SHISA6: variants seen among roughly 807,000 people sequenced by gnomAD.
The protein encoded by SHISA6 is protein shisa-6.
Under a neutral mutation model 47.9 loss-of-function variants are expected in SHISA6, and 22 were observed. The ratio of observed to expected loss-of-function variants is 0.46; its 90% CI spans 0.33 to 0.66. SHISA6 has a LOEUF of 0.66. Among genes scored for constraint, SHISA6 ranks in the 30% least tolerant of loss-of-function variants. SHISA6 has a pLI of 0.02. For missense variants in SHISA6, 680 were observed against 764.6 expected, an observed-to-expected ratio of 0.89 and a Z score of 1.30; for synonymous variants, 388 against 337.8, an observed-to-expected ratio of 1.15 and a Z score of -1.63.
intron 2 of SHISA6, among the ~76,000 whole-genome samples, chr17:11,316,167 A>C (rs1173810653): frequency 6.6e-6 from 1 of 151,918 alleles, no homozygotes; most frequent in Admixed American, 6.6e-5. Flanking sequence ...TTTTAAAAAA[A>C]AAATTAGTTG....
At chr17:11,521,185 A>T (rs376751641) in intron 3 of SHISA6, among the ~76,000 whole-genome samples, 17 of 152,340 alleles carry the variant, frequency 1.1e-4, no homozygotes, top group African/African-American at 4.1e-4. Context: ...TATTAAGATA[A>T]CTGATCTTAA....
rs2072032328 is a variant in SHISA6 at position 11,560,462 on chromosome 17, G to C, written c.*2158G>C. ...GGGTTGGAAAGGAAGAAGTGAGTCT[G>C]AATAGAGCAGGTGGCTCCCAGCTGG... On this transcript the variant is annotated 3_prime_UTR_variant, in exon 6 of 6. Coordinates refer to ENST00000441885, the MANE Select transcript of SHISA6 (RefSeq NM_207386.4). 6.6e-6 allele frequency: 1 copy of C among 152,430 alleles called. No individual in the cohort carries two copies. Among genetic ancestry groups the C allele is most frequent in the Non-Finnish European group, 1.5e-5 (1 of 68,218 alleles). 9.4% of individuals were successfully genotyped at this position (152,430 alleles called of 1,614,324 possible).
At chr17:11,503,331 C>T (rs1344857463) in intron 3 of SHISA6, among the ~76,000 whole-genome samples, 8 of 151,136 alleles carry the variant, frequency 5.3e-5, no homozygotes, top group Non-Finnish European at 1.0e-4. Flanking sequence ...ATAACTTAAA[C>T]GAAGCAAAAA....
intron 3 of SHISA6, among the ~76,000 whole-genome samples, chr17:11,530,718 G>T (rs759559931): frequency 6.6e-5 from 10 of 152,182 alleles, no homozygotes; most frequent in Non-Finnish European, 1.2e-4. Context: ...GTCAAGGTTA[G>T]TCGTTTATTT....
chr17:11,470,740 G>C (rs1479207449), intron 3 of SHISA6, among the ~76,000 whole-genome samples: 1 of 142,192 alleles, frequency 7.0e-6, no homozygotes, highest in Non-Finnish European at 1.5e-5. Flanking sequence ...CAGAGAGTAA[G>C]TAGTCTTCTC....
intron 3 of SHISA6, among the ~76,000 whole-genome samples, chr17:11,475,983 A>G (rs995191991): frequency 1.3e-5 from 2 of 151,970 alleles, no homozygotes; most frequent in Admixed American, 1.3e-4. Flanking sequence ...GCCCATACAG[A>G]TTGTGTATTT....
At chr17:11,420,667 G>A (rs1597504455) in intron 3 of SHISA6, among the ~76,000 whole-genome samples, 1 of 152,202 alleles carries the variant, frequency 6.6e-6, no homozygotes, top group African/African-American at 2.4e-5. Context: ...GGGCACCGCT[G>A]TTCCAATAGC....
At chr17:11,481,940 G>T (rs1244473887) in intron 3 of SHISA6, among the ~76,000 whole-genome samples, 2 of 152,176 alleles carry the variant, frequency 1.3e-5, no homozygotes, top group African/African-American at 4.8e-5. Context: ...TACCAACAAG[G>T]AAGTGAAGGA....
At chr17:11,466,310 G>C (rs887966559) in intron 3 of SHISA6, among the ~76,000 whole-genome samples, 1 of 152,172 alleles carries the variant, frequency 6.6e-6, no homozygotes, top group Non-Finnish European at 1.5e-5. Flanking sequence ...GCCCATCCAT[G>C]TGGAGTGGTC....
chr17:11,541,588 A>G (rs1051411424), intron 3 of SHISA6, among the ~76,000 whole-genome samples: 3 of 152,210 alleles, frequency 2.0e-5, no homozygotes, highest in Non-Finnish European at 2.9e-5. Flanking sequence ...AGATGTCTTT[A>G]ATACCAAATG....
intron 2 of SHISA6, among the ~76,000 whole-genome samples, chr17:11,274,159 C>T (rs1444209094): frequency 6.6e-6 from 1 of 152,150 alleles, no homozygotes; most frequent in Non-Finnish European, 1.5e-5. Context: ...CATCCCCTGC[C>T]CCTCCCATCA....
chr17:11,346,805 A>G (rs1299454628), intron 2 of SHISA6, among the ~76,000 whole-genome samples: 1 of 152,244 alleles, frequency 6.6e-6, no homozygotes, highest in Non-Finnish European at 1.5e-5. Context: ...TACTCAACAA[A>G]CTGATGATGA....
At chr17:11,551,839 G>C (rs929552277) in intron 3 of SHISA6, 57 bp from the exon 4 acceptor site, 1 of 1,407,462 alleles carries the variant, frequency 7.1e-7, no homozygotes, top group Non-Finnish European at 9.8e-7. Flanking sequence ...TGTTATGTTG[G>C]AGAGATAGTG....
intron 3 of SHISA6, among the ~76,000 whole-genome samples, chr17:11,463,413 A>C (rs1284553579): frequency 6.6e-6 from 1 of 152,196 alleles, no homozygotes; most frequent in Non-Finnish European, 1.5e-5. Context: ...AAAATACTGA[A>C]GAACAACAAG....
chr17:11,341,531 C>T (rs529389353), intron 2 of SHISA6, among the ~76,000 whole-genome samples: 4 of 151,890 alleles, frequency 2.6e-5, no homozygotes, highest in South Asian at 2.1e-4. Flanking sequence ...CACGGGGTTT[C>T]GCCATGTTGG....
intron 3 of SHISA6, among the ~76,000 whole-genome samples, chr17:11,532,980 G>A (rs1395857951): frequency 6.6e-6 from 1 of 152,094 alleles, no homozygotes; most frequent in Admixed American, 6.5e-5. Flanking sequence ...CTGGCAGACT[G>A]CGTGAGTGTA....
rs114749394 is a variant in SHISA6 at position 11,508,678 on chromosome 17, C to T, written c.896-43218C>T. Among the ~76,000 whole-genome samples, 1,041 of 137,492 alleles carry T rather than the reference C, an allele frequency of 7.6e-3. 188 individuals carry two copies. The highest frequency in any genetic ancestry group is 0.025 in the African/African-American group (923 of 36,478). 90.2% of individuals were successfully genotyped at this position (137,492 alleles called of 152,430 possible). A position where few individuals can be genotyped will look rare whatever the true frequency, so the allele number is the denominator to read the frequency against. On this transcript the variant is annotated intron_variant, in intron 3 of 5. Coordinates refer to ENST00000441885, the MANE Select transcript of SHISA6 (RefSeq NM_207386.4). Reference sequence around the variant, plus strand: ...TGGCAGACAGAGGTGAGAAGGCTTTCTCCTTCTCTGCCTTCTTCCTTGGCT... The same window carrying T: ...TGGCAGACAGAGGTGAGAAGGCTTTTTCCTTCTCTGCCTTCTTCCTTGGCT...
chr17:11,276,882 T>C (rs1268359241), intron 2 of SHISA6, among the ~76,000 whole-genome samples: 3 of 152,200 alleles, frequency 2.0e-5, no homozygotes, highest in Non-Finnish European at 4.4e-5. Context: ...TACATAACTA[T>C]GATACAATTA....
intron 1 of SHISA6, among the ~76,000 whole-genome samples, chr17:11,257,140 T>C (rs759686852): frequency 2.6e-5 from 4 of 152,202 alleles, no homozygotes; most frequent in Non-Finnish European, 4.4e-5. Flanking sequence ...AGCAGTCTTG[T>C]GCACACACAA....
Sources: gnomAD v4.1 joint callset for allele counts (sites outside exome capture counted in the v4.1 genomes callset) on GRCh38, gnomAD v4.1.1 for gene constraint, MANE v1.5 for transcripts, NCBI Gene and HGNC (gene_info 2026-07-23, HGNC 2026-07-21) for gene names.